The following ATP9B variants were observed in gnomAD, a reference collection of about 807,000 sequenced individuals.
ATP9B encodes the protein probable phospholipid-transporting ATPase IIB.
Under a neutral mutation model 146.1 loss-of-function variants are expected in ATP9B, and 110 were observed. That is an observed-to-expected ratio of 0.75 (90% CI 0.65 to 0.88). ATP9B has a LOEUF of 0.88. ATP9B is among the 40% of genes least tolerant of loss of function. The probability of loss-of-function intolerance (pLI) is 0.00; values close to 1 mark genes in which losing one functional copy is unlikely to be tolerated. For missense variants in ATP9B, 1,499 were observed against 1,496.4 expected (o/e 1.00, Z -0.03); for synonymous variants, 604 against 569.7 (o/e 1.06, Z -0.86).
At position 79,307,055 on chromosome 18, in the gene ATP9B, A is replaced by G. The variant is rs2096623612; in HGVS notation, c.1594A>G (p.Lys532Glu). 6.2e-7 allele frequency: 1 copy of G among 1,614,124 alleles called. No homozygotes were observed. The highest frequency in any genetic ancestry group is 1.1e-5 in the South Asian group (1 of 91,090). ...PLRKAQSSAP[K>E]VRKSVSSRIH... ...AAGAAAAGCCCAATCTTCAGCTCCC[A>G]AAGTTAGGAAAAGTGTCAGTAGTCG... Residue 532 changes from lysine (K) to glutamate (E), a missense_variant, in exon 15 of 30, where the codon AAA becomes GAA. Lys to Glu is a moderately conservative substitution (Grantham distance 56, BLOSUM62 1). Transcript: ENST00000426216.
At chr18:79,313,366 C>T (rs567783532) in intron 15 of ATP9B, among the ~76,000 whole-genome samples, 2 of 152,302 alleles carry the variant, frequency 1.3e-5, no homozygotes, top group Admixed American at 6.5e-5. Context: ...CATGAGCAAC[C>T]GCTCTGTAAG....
chr18:79,141,934 C>T (rs1348196429), intron 5 of ATP9B, among the ~76,000 whole-genome samples: 4 of 152,176 alleles, frequency 2.6e-5, no homozygotes, highest in Admixed American at 6.5e-5. Flanking sequence ...GTTCTCTGTC[C>T]AGTGCCTTAA....
Position 79,377,734 on chromosome 18 carries a change from G to A in ATP9B, c.*351G>A, listed in dbSNP as rs561964951. On this transcript the variant is annotated 3_prime_UTR_variant, in exon 30 of 30. Coordinates refer to ENST00000426216, the MANE Select transcript of ATP9B (RefSeq NM_198531.5). ...AGGCAAGCCCAGGGCACAGAGGCCG[G>A]GACGGCCTCTCCCTCTCAGTGTGAG... The A allele has an allele frequency of 8.0e-6, 2 of 249,208 alleles. No homozygotes were observed. The highest frequency in any genetic ancestry group is 6.2e-5 in the South Asian group (1 of 16,154). The allele number at this position is 249,208 out of a possible 1,614,324, so 15.4% of individuals were successfully genotyped here. A position where few individuals can be genotyped will look rare whatever the true frequency, so the allele number is the denominator to read the frequency against.
At chr18:79,329,619 T>C (rs1380836172) in intron 16 of ATP9B, among the ~76,000 whole-genome samples, 2 of 152,214 alleles carry the variant, frequency 1.3e-5, no homozygotes, top group Non-Finnish European at 1.5e-5. Context: ...AGTTTGACTT[T>C]TGTACATTGA....
At chr18:79,199,574 C>T (rs1218355550) in intron 9 of ATP9B, among the ~76,000 whole-genome samples, 1 of 151,372 alleles carries the variant, frequency 6.6e-6, no homozygotes, top group Non-Finnish European at 1.5e-5. Context: ...ACCATCCTGG[C>T]CCATATGGTG....
intron 15 of ATP9B, among the ~76,000 whole-genome samples, chr18:79,323,497 C>G (rs1229288269): frequency 6.6e-6 from 1 of 152,178 alleles, no homozygotes; most frequent in South Asian, 2.1e-4. Flanking sequence ...TCATTCTACT[C>G]TCTGTCTCCA....
At chr18:79,252,302 C>T (rs1193829681) in intron 11 of ATP9B, among the ~76,000 whole-genome samples, 2 of 152,226 alleles carry the variant, frequency 1.3e-5, no homozygotes, top group Non-Finnish European at 2.9e-5. Flanking sequence ...CAAAGCCCAG[C>T]TTGCCCAAGG....
chr18:79,365,857 G>T (rs2097024621), intron 26 of ATP9B, among the ~76,000 whole-genome samples: 1 of 151,344 alleles, frequency 6.6e-6, no homozygotes, highest in Non-Finnish European at 1.5e-5. Flanking sequence ...GACAGCTTGT[G>T]CGTGGATGGA....
At chr18:79,215,981 C>A (rs1235366432) in intron 11 of ATP9B, among the ~76,000 whole-genome samples, 1 of 152,212 alleles carries the variant, frequency 6.6e-6, no homozygotes, top group Non-Finnish European at 1.5e-5. Context: ...TGAGCCACCG[C>A]ACCCGACCAC....
chr18:79,270,923 G>T (rs1435864915), intron 12 of ATP9B, among the ~76,000 whole-genome samples: 1 of 152,146 alleles, frequency 6.6e-6, no homozygotes, highest in African/African-American at 2.4e-5. Flanking sequence ...CTGAAGCACT[G>T]TTTCCCAGTT....
Position 79,096,571 on chromosome 18 carries a change from T to C in ATP9B, c.215T>C (p.Leu72Ser), listed in dbSNP as rs1281588431. The change falls in exon 2 of 30, where the codon TTA (leucine) becomes TCA (serine). Residue 72 changes from leucine to serine, a missense_variant. Coordinates refer to ENST00000426216, the MANE Select transcript of ATP9B (RefSeq NM_198531.5). The part of the protein sequence containing the change: ...FENEESDYHT[L>S]PRARIMQRKR... ...AATGAGGAAAGTGATTACCACACCT[T>C]ACCACGAGCCAGGATAATGCAAAGG... is the stretch of plus-strand genomic sequence containing the variant. 1.9e-6 allele frequency: 3 copies of C among 1,613,978 alleles called. No individual in the cohort carries two copies. The highest frequency in any genetic ancestry group is 2.5e-6 in the Non-Finnish European group (3 of 1,179,984).
rs76420002 is a variant in ATP9B, at chr18:79,207,383, C to T, written c.1030+371C>T. 1.3e-3 allele frequency among the ~76,000 whole-genome samples: 199 copies of T among 152,216 alleles called. 3 individuals are homozygous for T. The East Asian group carries it at 0.021, about 16-fold the overall frequency. ...GTGATTTTAGCGCTTCTCAGTCATC[C>T]GACAAGGGTTGGCAGGAGGAGAGTG... is the stretch of plus-strand genomic sequence containing the variant. On this transcript the variant is annotated intron_variant, in intron 10 of 29. Transcript: ENST00000426216.
At chr18:79,328,112 TTAGCGTGCTCTCCGTGGA>T (rs1568703421) in intron 15 of ATP9B, among the ~76,000 whole-genome samples, 4 of 148,764 alleles carry the variant, frequency 2.7e-5, no homozygotes, top group African/African-American at 7.5e-5. Context: ...CTCTCTGTGG[TTAGCGTGCTCTCCGTGGA>T]TAGCGTGCTC....
intron 11 of ATP9B, among the ~76,000 whole-genome samples, chr18:79,250,547 A>G (rs1458726617): frequency 6.6e-6 from 1 of 152,190 alleles, no homozygotes. Context: ...GCTTTGAAAC[A>G]TGCTCTACTT....
At chr18:79,337,589 C>T (rs1450093640) in intron 19 of ATP9B, 140 bp downstream of exon 19, 2 of 1,173,940 alleles carry the variant, frequency 1.7e-6, no homozygotes, top group Non-Finnish European at 2.3e-6. Flanking sequence ...CCACCAGCTC[C>T]CCTCCTTCCT....
At position 79,372,613 on chromosome 18, in the gene ATP9B, A is replaced by G. The variant is rs1433920816; in HGVS notation, c.3013-212A>G. 5 of 667,278 alleles carry G rather than the reference A, an allele frequency of 7.5e-6. 1 individual carries two copies. The Admixed American group carries it at 1.0e-4, about 14-fold the overall frequency. The allele number at this position is 667,278 out of a possible 1,614,324, so 41.3% of individuals were successfully genotyped here. On this transcript the variant is annotated intron_variant, in intron 26 of 29. Coordinates refer to ENST00000426216, the MANE Select transcript of ATP9B (RefSeq NM_198531.5). ...ACAACATGAACGTCTAACCTCAGGC[A>G]CCAGTGGACACGTGTGGGACCCAGG...
intron 26 of ATP9B, among the ~76,000 whole-genome samples, chr18:79,365,879 G>A (rs1600420265): frequency 1.3e-5 from 2 of 152,110 alleles, no homozygotes; most frequent in African/African-American, 2.4e-5. Flanking sequence ...GGACATCTCC[G>A]TGGACGGGGA....
intron 25 of ATP9B, 96 bp from the exon 26 acceptor site, chr18:79,359,258 G>T (rs1308689133): frequency 4.7e-6 from 4 of 855,984 alleles, no homozygotes; most frequent in Admixed American, 5.1e-5. Flanking sequence ...GTATTTTTTG[G>T]TGTTTTTGAA....
chr18:79,188,615 A>G (rs1026443431), intron 8 of ATP9B, among the ~76,000 whole-genome samples: 2 of 152,206 alleles, frequency 1.3e-5, no homozygotes, highest in Non-Finnish European at 2.9e-5. Flanking sequence ...CATTACCTCT[A>G]TTCTCCCATT....
Sources: gnomAD v4.1 joint callset for allele counts (sites outside exome capture counted in the v4.1 genomes callset) on GRCh38, gnomAD v4.1.1 for gene constraint, MANE v1.5 for transcripts, NCBI Gene and HGNC (gene_info 2026-07-23, HGNC 2026-07-21) for gene names.